OR2L13: variants seen among roughly 807,000 people sequenced by gnomAD.
OR2L13 encodes the protein olfactory receptor 2L13.
In OR2L13, 14 loss-of-function variants were observed where a neutral mutation model predicts 15.3. That is an observed-to-expected ratio of 0.91 (90% CI 0.60 to 1.43). OR2L13 has a LOEUF of 1.43. OR2L13 is among the 40% of genes most tolerant of loss of function. The pLI is 0.00. For missense variants in OR2L13, 367 were observed against 387.9 expected, an observed-to-expected ratio of 0.95 and a Z score of 0.45; for synonymous variants, 152 against 142.9, an observed-to-expected ratio of 1.06 and a Z score of -0.45.
exon 3 of OR2L13, chr1:248,099,780 G>T (rs1322978288): frequency 6.2e-7 from 1 of 1,614,120 alleles, no homozygotes; most frequent in South Asian, 1.1e-5. Context: ...CTATCCGCAT[G>T]AGTAAAATGA....
the OR2L13 span, among the ~76,000 whole-genome samples, chr1:247,960,499 T>G: frequency 6.6e-6 from 1 of 152,218 alleles, no homozygotes; most frequent in African/African-American, 2.4e-5. Flanking sequence ...CTGCAGAGGT[T>G]TCTGCTGCCT....
At chr1:248,060,289 G>T in the OR2L13 span, among the ~76,000 whole-genome samples, 1 of 152,062 alleles carries the variant, frequency 6.6e-6, no homozygotes, top group Non-Finnish European at 1.5e-5. Context: ...GGTAACAAAT[G>T]TTGGTATCAT....
At chr1:247,954,956 A>G in the OR2L13 span, among the ~76,000 whole-genome samples, 1 of 45,042 alleles carries the variant, frequency 2.2e-5, no homozygotes, top group South Asian at 2.4e-3. Context: ...ATATATATAT[A>G]TATATTTTTA....
chr1:248,013,147 T>TA, the OR2L13 span, among the ~76,000 whole-genome samples: 2 of 150,480 alleles, frequency 1.3e-5, no homozygotes, highest in Admixed American at 1.3e-4. Context: ...AACTTCTACT[T>TA]ACATGTTTTA....
At chr1:248,042,082 A>G in the OR2L13 span, 3 of 152,108 alleles carry the variant, frequency 2.0e-5, no homozygotes, top group Non-Finnish European at 4.4e-5. Context: ...ACTATTCACA[A>G]TAGCAAAGAC....
chr1:248,028,613 G>A, the OR2L13 span, among the ~76,000 whole-genome samples: 1 of 152,124 alleles, frequency 6.6e-6, no homozygotes, highest in Non-Finnish European at 1.5e-5. Context: ...AATAAAACAA[G>A]TTGTGGCCTA....
chr1:248,086,149 AT>A, the OR2L13 span, among the ~76,000 whole-genome samples: 10 of 152,074 alleles, frequency 6.6e-5, no homozygotes, highest in African/African-American at 2.4e-4. Flanking sequence ...TTATGTTGCC[AT>A]TTTTTCATAT....
the OR2L13 span, chr1:247,965,122 A>G: frequency 2.7e-6 from 1 of 369,320 alleles, no homozygotes; most frequent in Non-Finnish European, 4.8e-6. Flanking sequence ...GTATGTTTGC[A>G]TATATAATCT....
At chr1:248,086,280 CT>C in the OR2L13 span, among the ~76,000 whole-genome samples, 1 of 152,200 alleles carries the variant, frequency 6.6e-6, no homozygotes, top group East Asian at 1.9e-4. Flanking sequence ...AATGGTTATA[CT>C]TTTTCATTCT....
chr1:248,069,580 A>C, the OR2L13 span, among the ~76,000 whole-genome samples: 6 of 152,334 alleles, frequency 3.9e-5, no homozygotes, highest in Admixed American at 6.5e-5. Flanking sequence ...CGAGCAAAAT[A>C]ACCAGCTAAC....
chr1:247,963,822 ATAT>A, the OR2L13 span, among the ~76,000 whole-genome samples: 1 of 152,070 alleles, frequency 6.6e-6, no homozygotes, highest in Admixed American at 6.6e-5. Flanking sequence ...ATATGACCAT[ATAT>A]TATTTTTATT....
chr1:247,973,967 A>G, the OR2L13 span, among the ~76,000 whole-genome samples: 2 of 152,338 alleles, frequency 1.3e-5, no homozygotes, highest in East Asian at 1.9e-4. Flanking sequence ...TAGTATAAAG[A>G]CACAGACACA....
chr1:247,967,418 T>G, the OR2L13 span, among the ~76,000 whole-genome samples: 10,987 of 151,986 alleles, frequency 0.072, 976 homozygotes, highest in East Asian at 0.46. Flanking sequence ...TAGTAGAGAC[T>G]GGTTTTCACC....
the OR2L13 span, among the ~76,000 whole-genome samples, chr1:247,994,430 T>C: frequency 2.6e-5 from 4 of 152,110 alleles, no homozygotes; most frequent in Non-Finnish European, 4.4e-5. Context: ...TGGGAGTGAT[T>C]ATGTTACTAT....
chr1:248,005,030 A>G, the OR2L13 span, among the ~76,000 whole-genome samples: 1 of 152,124 alleles, frequency 6.6e-6, no homozygotes, highest in African/African-American at 2.4e-5. Flanking sequence ...GGTGCAGGGG[A>G]GGGGTGATAA....
the OR2L13 span, among the ~76,000 whole-genome samples, chr1:248,002,537 G>A: frequency 6.6e-6 from 1 of 152,168 alleles, no homozygotes; most frequent in East Asian, 1.9e-4. Context: ...CCATGTTGTA[G>A]CATGTGTCAA....
chr1:247,971,445 A>C, the OR2L13 span, among the ~76,000 whole-genome samples: 3 of 152,230 alleles, frequency 2.0e-5, 1 homozygote, highest in African/African-American at 7.2e-5. Flanking sequence ...AATTTGTTAT[A>C]GTTTAAACCT....
chr1:247,961,686 C>G, the OR2L13 span, among the ~76,000 whole-genome samples: 1 of 152,186 alleles, frequency 6.6e-6, no homozygotes, highest in Admixed American at 6.5e-5. Flanking sequence ...ATGTCTGGAC[C>G]TGAAGAGGAG....
chr1:248,061,547 A>G, the OR2L13 span: 3 of 1,613,870 alleles, frequency 1.9e-6, no homozygotes, highest in African/African-American at 1.3e-5. Context: ...CCCATCATCT[A>G]TAGCCTGAGG....
Sources: gnomAD v4.1 joint callset for allele counts (sites outside exome capture counted in the v4.1 genomes callset) on GRCh38, gnomAD v4.1.1 for gene constraint, MANE v1.5 for transcripts, NCBI Gene and HGNC (gene_info 2026-07-23, HGNC 2026-07-21) for gene names.